HCN1: variants seen among roughly 807,000 people sequenced by gnomAD.
HCN1 encodes hyperpolarization activated cyclic nucleotide gated potassium channel 1.
Under a neutral mutation model 78.9 loss-of-function variants are expected in HCN1, and 13 were observed. That is an observed-to-expected ratio of 0.16 (90% CI 0.11 to 0.26). HCN1 has a LOEUF of 0.26. Ranked by LOEUF, HCN1 falls within the 10% of genes least tolerant of loss-of-function variation. The pLI is 1.00. For missense variants in HCN1, 810 were observed against 1,154.3 expected, an observed-to-expected ratio of 0.70 and a Z score of 4.32; for synonymous variants, 552 against 455.5, an observed-to-expected ratio of 1.21 and a Z score of -2.70.
At chr5:45,513,464 C>A (rs1414371001) in intron 2 of HCN1, among the ~76,000 whole-genome samples, 1 of 152,086 alleles carries the variant, frequency 6.6e-6, no homozygotes, top group Non-Finnish European at 1.5e-5. Flanking sequence ...AAGGTATAAA[C>A]CATCAAAGCC....
At chr5:45,649,624 T>C (rs1419757666) in intron 1 of HCN1, among the ~76,000 whole-genome samples, 2 of 152,066 alleles carry the variant, frequency 1.3e-5, no homozygotes, top group African/African-American at 2.4e-5. Flanking sequence ...ATTCTCAACA[T>C]GTTTCCTATT....
At chr5:45,273,638 C>T (rs938831998) in intron 6 of HCN1, among the ~76,000 whole-genome samples, 24 of 152,124 alleles carry the variant, frequency 1.6e-4, no homozygotes, top group Non-Finnish European at 3.5e-4. Context: ...TACTTAGCTT[C>T]TCATAGTAAC....
At chr5:45,348,686 G>A (rs947100533) in intron 5 of HCN1, among the ~76,000 whole-genome samples, 11 of 151,960 alleles carry the variant, frequency 7.2e-5, no homozygotes, top group African/African-American at 2.7e-4. Context: ...GATCTACCAA[G>A]CAAATGGAAA....
At chr5:45,625,173 G>C (rs1745138840) in intron 2 of HCN1, among the ~76,000 whole-genome samples, 2 of 151,958 alleles carry the variant, frequency 1.3e-5, no homozygotes, top group South Asian at 4.1e-4. Context: ...TATGGTGGCA[G>C]GCACCTGTAG....
intron 1 of HCN1, among the ~76,000 whole-genome samples, chr5:45,674,873 A>G (rs1746234297): frequency 6.6e-6 from 1 of 151,726 alleles, no homozygotes; most frequent in African/African-American, 2.4e-5. Flanking sequence ...GGAAACCAGG[A>G]GTTCTAGGCC....
chr5:45,465,129 C>G (rs1741241613), intron 2 of HCN1, among the ~76,000 whole-genome samples: 1 of 151,834 alleles, frequency 6.6e-6, no homozygotes, highest in South Asian at 2.1e-4. Context: ...AAAATGGCAC[C>G]ATGAATGACC....
chr5:45,566,405 T>C (rs935765769), intron 2 of HCN1, among the ~76,000 whole-genome samples: 1 of 152,230 alleles, frequency 6.6e-6, no homozygotes, highest in South Asian at 2.1e-4. Context: ...GATAGTTTAC[T>C]ATTTCAGTAT....
At chr5:45,441,918 C>A (rs1055412251) in intron 3 of HCN1, among the ~76,000 whole-genome samples, 8 of 152,228 alleles carry the variant, frequency 5.3e-5, no homozygotes, top group African/African-American at 1.9e-4. Flanking sequence ...TTAATGTATG[C>A]TGTTTTACAG....
At chr5:45,302,929 C>T (rs1332554569) in intron 6 of HCN1, among the ~76,000 whole-genome samples, 1 of 152,020 alleles carries the variant, frequency 6.6e-6, no homozygotes, top group Non-Finnish European at 1.5e-5. Flanking sequence ...CCTCCCCAGC[C>T]ATATAGAACT....
At chr5:45,574,276 A>G (rs1420651886) in intron 2 of HCN1, among the ~76,000 whole-genome samples, 8 of 152,150 alleles carry the variant, frequency 5.3e-5, no homozygotes, top group Non-Finnish European at 7.4e-5. Flanking sequence ...ATGTGCTCAC[A>G]TGACACTTTC....
chr5:45,295,375 C>G (rs1745467682), intron 6 of HCN1, among the ~76,000 whole-genome samples: 1 of 151,890 alleles, frequency 6.6e-6, no homozygotes, highest in African/African-American at 2.4e-5. Context: ...GTACTTTTTG[C>G]TCACTGCTCT....
At chr5:45,624,052 C>G (rs1745118595) in intron 2 of HCN1, among the ~76,000 whole-genome samples, 1 of 152,022 alleles carries the variant, frequency 6.6e-6, no homozygotes, top group Non-Finnish European at 1.5e-5. Flanking sequence ...GATAGTGTGG[C>G]TAGAGGAAAT....
chr5:45,601,925 T>TTG (rs1744632808), intron 2 of HCN1, among the ~76,000 whole-genome samples: 1 of 152,066 alleles, frequency 6.6e-6, no homozygotes, highest in African/African-American at 2.4e-5. Context: ...ATCCCCAGTG[T>TTG]TGTGGGAGAG....
intron 3 of HCN1, among the ~76,000 whole-genome samples, chr5:45,438,768 A>G (rs1285488671): frequency 6.6e-6 from 1 of 152,138 alleles, no homozygotes; most frequent in Non-Finnish European, 1.5e-5. Flanking sequence ...GTTAGTAAAA[A>G]TTAAATGAGA....
intron 6 of HCN1, 36 bp downstream of exon 6, chr5:45,303,562 GT>G: frequency 6.2e-7 from 1 of 1,607,280 alleles, no homozygotes; most frequent in Non-Finnish European, 8.5e-7. Context: ...ATCTCAAGCA[GT>G]TTAGATTTCA....
At chr5:45,414,016 C>T (rs1302982287) in intron 3 of HCN1, among the ~76,000 whole-genome samples, 1 of 151,850 alleles carries the variant, frequency 6.6e-6, no homozygotes, top group Non-Finnish European at 1.5e-5. Flanking sequence ...CAGTAAATAC[C>T]TGAACTTTGC....
chr5:45,515,143 A>G (rs1742492695), intron 2 of HCN1, among the ~76,000 whole-genome samples: 1 of 146,586 alleles, frequency 6.8e-6, no homozygotes, highest in Admixed American at 6.8e-5. Context: ...CAGAAGAAAA[A>G]TCACAGCTGA....
intron 4 of HCN1, among the ~76,000 whole-genome samples, chr5:45,358,711 G>T (rs1747054703): frequency 6.6e-6 from 1 of 152,096 alleles, no homozygotes; most frequent in African/African-American, 2.4e-5. Context: ...CAGAGGGCCT[G>T]CAGACAGGAA....
At chr5:45,496,357 C>A (rs962658851) in intron 2 of HCN1, among the ~76,000 whole-genome samples, 3 of 151,316 alleles carry the variant, frequency 2.0e-5, no homozygotes, top group African/African-American at 7.3e-5. Context: ...GGAATGTATC[C>A]ATTTCTTCTA....
Sources: allele counts gnomAD v4.1 joint callset (sites outside exome capture counted in the v4.1 genomes callset), GRCh38; gene constraint gnomAD v4.1.1; transcripts MANE v1.5; gene names NCBI Gene and HGNC (gene_info 2026-07-23, HGNC 2026-07-21).